LOC730098: variants seen among roughly 807,000 people sequenced by gnomAD.
the LOC730098 span, chr9:34,665,279 C>A: frequency 1.4e-6 from 1 of 702,084 alleles, no homozygotes; most frequent in Non-Finnish European, 2.6e-6. Context: ...CCCGTCCATG[C>A]CCGGGGCGGG....
chr9:34,664,270 T>A, the LOC730098 span: 1 of 152,280 alleles, frequency 6.6e-6, no homozygotes, highest in Non-Finnish European at 1.5e-5. Context: ...TGCACCCATC[T>A]CTCCCCTTTA....
At chr9:34,665,582 T>TTCC in the LOC730098 span, 1 of 490,078 alleles carries the variant, frequency 2.0e-6, no homozygotes, top group Non-Finnish European at 3.9e-6. Flanking sequence ...AGCCGCCTGG[T>TTCC]TCCTCCTCCG....
the LOC730098 span, chr9:34,664,619 C>T: frequency 6.3e-6 from 1 of 158,514 alleles, no homozygotes; most frequent in African/African-American, 2.4e-5. Flanking sequence ...TAGGAAAGGT[C>T]GCCAACCCAA....
At chr9:34,665,839 A>G in the LOC730098 span, 3 of 601,982 alleles carry the variant, frequency 5.0e-6, 1 homozygote, top group South Asian at 5.8e-5. Context: ...GAGATTTGGG[A>G]GGCACTGGAA....
the LOC730098 span, chr9:34,665,401 G>T: frequency 2.9e-6 from 2 of 699,948 alleles, no homozygotes; most frequent in South Asian, 1.5e-5. Context: ...AGCCGGGCGG[G>T]GCGGGGCGGG....
At chr9:34,665,748 C>A in the LOC730098 span, 1 of 692,542 alleles carries the variant, frequency 1.4e-6, no homozygotes. Flanking sequence ...ATTCTCAGGA[C>A]GAGGCTGCCC....
At chr9:34,664,787 G>A in the LOC730098 span, 3 of 389,468 alleles carry the variant, frequency 7.7e-6, no homozygotes, top group Non-Finnish European at 1.4e-5. Flanking sequence ...GGGAGTAACA[G>A]GCAGGATTAT....
At chr9:34,666,007 A>T in the LOC730098 span, 5 of 371,902 alleles carry the variant, frequency 1.3e-5, no homozygotes, top group Non-Finnish European at 2.5e-5. Context: ...GGGTCAGCGC[A>T]GCCTAAACTC....
the LOC730098 span, chr9:34,665,394 CG>C: frequency 4.7e-6 from 2 of 426,770 alleles, no homozygotes; most frequent in Non-Finnish European, 9.1e-6. Flanking sequence ...AGGGCAGAGC[CG>C]GGCGGGGCGG....
At chr9:34,665,245 C>T in the LOC730098 span, 7 of 696,114 alleles carry the variant, frequency 1.0e-5, no homozygotes, top group South Asian at 4.5e-5. Flanking sequence ...CGGATTCCCC[C>T]CGATGGGTCC....
the LOC730098 span, chr9:34,665,072 TG>T: frequency 3.3e-6 from 2 of 599,246 alleles, no homozygotes; most frequent in Non-Finnish European, 5.9e-6. Context: ...GCAGCGGCGG[TG>T]GGGCTGCGGC....
chr9:34,665,656 A>G, the LOC730098 span: 13 of 700,678 alleles, frequency 1.9e-5, no homozygotes, highest in Non-Finnish European at 3.1e-5. Context: ...CTCATTCCCG[A>G]CATGTCCTGG....
At chr9:34,665,774 T>G in the LOC730098 span, 1 of 658,968 alleles carries the variant, frequency 1.5e-6, no homozygotes, top group South Asian at 1.6e-5. Context: ...TCAGGTAATC[T>G]GAGGCTGATG....
the LOC730098 span, chr9:34,665,659 T>C: frequency 2.1e-5 from 15 of 699,342 alleles, no homozygotes; most frequent in Non-Finnish European, 3.1e-5. Context: ...ATTCCCGACA[T>C]GTCCTGGGCT....
At chr9:34,664,627 C>G in the LOC730098 span, 1 of 160,636 alleles carries the variant, frequency 6.2e-6, no homozygotes, top group Non-Finnish European at 1.4e-5. Context: ...GTCGCCAACC[C>G]AAGTCGCTCC....
At chr9:34,665,735 G>A in the LOC730098 span, 2 of 698,132 alleles carry the variant, frequency 2.9e-6, no homozygotes, top group South Asian at 1.5e-5. Context: ...CCCCTTCTCC[G>A]TCATTCTCAG....
the LOC730098 span, chr9:34,664,764 T>G: frequency 3.8e-5 from 14 of 365,944 alleles, no homozygotes; most frequent in Non-Finnish European, 5.8e-5. Context: ...GGCAAAGTCC[T>G]CGCTCCGAGG....
chr9:34,666,012 A>G, the LOC730098 span: 1 of 353,818 alleles, frequency 2.8e-6, no homozygotes, highest in Non-Finnish European at 5.2e-6. Context: ...AGCGCAGCCT[A>G]AACTCCCGCC....
chr9:34,665,018 T>C, the LOC730098 span: 22 of 589,696 alleles, frequency 3.7e-5, no homozygotes, highest in African/African-American at 2.8e-4. Context: ...AGGAGGTCAG[T>C]ACGGTGGGCT....
Sources: allele counts gnomAD v4.1 joint callset, GRCh38; gene constraint gnomAD v4.1.1; transcripts MANE v1.5.